Variants in HPSE2 observed in about 807,000 individuals in gnomAD.
HPSE2 encodes inactive heparanase-2.
A neutral mutation model predicts 60.5 loss-of-function variants in HPSE2; 38 were observed. The observed-to-expected ratio is 0.63, with a 90% confidence interval of 0.48 to 0.82. HPSE2 has a LOEUF of 0.82. Ranked by LOEUF, HPSE2 falls within the 40% of genes least tolerant of loss-of-function variation. HPSE2 has a pLI of 0.00. For missense variants in HPSE2, 713 were observed against 740.4 expected (o/e 0.96, Z 0.43); for synonymous variants, 295 against 293.2 (o/e 1.01, Z -0.06).
chr10:98,550,559 C>T (rs1943832108), intron 9 of HPSE2, among the ~76,000 whole-genome samples: 1 of 151,746 alleles, frequency 6.6e-6, no homozygotes, highest in South Asian at 2.1e-4. Context: ...AGCTCCACCT[C>T]CCAGGTTCAT....
chr10:99,076,042 C>T (rs1842941515), intron 3 of HPSE2, among the ~76,000 whole-genome samples: 1 of 152,018 alleles, frequency 6.6e-6, no homozygotes, highest in South Asian at 2.1e-4. Context: ...TAGGAAAGGA[C>T]CATTTTTTTC....
chr10:98,943,185 A>T (rs1564677556), intron 3 of HPSE2, among the ~76,000 whole-genome samples: 1 of 151,884 alleles, frequency 6.6e-6, no homozygotes, highest in Non-Finnish European at 1.5e-5. Context: ...TACATATGTA[A>T]CTAACGTGCA....
intron 6 of HPSE2, among the ~76,000 whole-genome samples, chr10:98,661,807 C>A (rs1280056901): frequency 1.3e-5 from 2 of 152,172 alleles, no homozygotes; most frequent in African/African-American, 4.8e-5. Context: ...CAAGAGAACT[C>A]AATTTAAGTC....
chr10:99,030,042 A>G (rs1759869435), intron 3 of HPSE2, among the ~76,000 whole-genome samples: 1 of 151,924 alleles, frequency 6.6e-6, no homozygotes, highest in African/African-American at 2.4e-5. Context: ...GAAGGCTCGC[A>G]CTCTTGTCTT....
intron 2 of HPSE2, among the ~76,000 whole-genome samples, chr10:99,184,819 TAGAGAGAGAGAGAG>T (rs1177556672): frequency 0.013 from 254 of 19,852 alleles, 41 homozygotes; most frequent in Middle Eastern, 0.042. Context: ...TATATATATA[TAGAGAGAGAGAGAG>T]AGAGAGAGAG....
chr10:99,245,583 A>C, the HPSE2 span, among the ~76,000 whole-genome samples: 1 of 152,252 alleles, frequency 6.6e-6, no homozygotes, highest in African/African-American at 2.4e-5. Context: ...CATTCAATAA[A>C]TATTTTCACT....
the HPSE2 span, among the ~76,000 whole-genome samples, chr10:99,256,921 G>A: frequency 6.6e-6 from 1 of 152,194 alleles, no homozygotes; most frequent in Non-Finnish European, 1.5e-5. Context: ...CAAGGGATTG[G>A]CTGAAGCCAT....
intron 3 of HPSE2, among the ~76,000 whole-genome samples, chr10:98,797,844 A>AAAAAAAC (rs1360189342): frequency 1.6e-4 from 24 of 151,056 alleles, no homozygotes; most frequent in African/African-American, 5.8e-4. Context: ...ACTCCGCCTC[A>AAAAAAAC]AAAAAACAAA....
chr10:99,099,364 G>A (rs1843851123), intron 3 of HPSE2, among the ~76,000 whole-genome samples: 1 of 152,238 alleles, frequency 6.6e-6, no homozygotes, highest in South Asian at 2.1e-4. Flanking sequence ...ATGGCTCACA[G>A]GGACCCATGC....
At chr10:98,831,501 C>G (rs1951683316) in intron 3 of HPSE2, among the ~76,000 whole-genome samples, 1 of 152,142 alleles carries the variant, frequency 6.6e-6, no homozygotes, top group South Asian at 2.1e-4. Context: ...CTTATACATC[C>G]AAGCTAATAA....
In HPSE2 at chr10:98,457,762, G is replaced by A. The variant is rs1023322769; in HGVS notation, c.*1812C>T. Reference sequence around the variant, plus strand: ...GCCCTCTCAGAGCTGAAGCCTCAGTGGGAGGTGCCTGGTCCCAGAGAAACG... The same window carrying A: ...GCCCTCTCAGAGCTGAAGCCTCAGTAGGAGGTGCCTGGTCCCAGAGAAACG... On this transcript the variant is annotated 3_prime_UTR_variant, in exon 12 of 12. Coordinates refer to ENST00000370552, the MANE Select transcript of HPSE2 (RefSeq NM_021828.5). 1 of 150,682 alleles carries A rather than the reference G, an allele frequency of 6.6e-6. No individual in the cohort carries two copies. The highest frequency in any genetic ancestry group is 2.0e-4 in the East Asian group (1 of 4,968). The allele number at this position is 150,682 out of a possible 1,614,324, so 9.3% of individuals were successfully genotyped here. A position where few individuals can be genotyped will look rare whatever the true frequency, so the allele number is the denominator to read the frequency against.
At chr10:98,459,855 A>G (rs1379235780) in intron 11 of HPSE2, 116 bp from the exon 12 acceptor site, 2 of 971,580 alleles carry the variant, frequency 2.1e-6, no homozygotes, top group Non-Finnish European at 1.6e-6. Flanking sequence ...GCTGACACTT[A>G]TTGTTACTGG....
At chr10:98,939,310 C>T (rs1954913657) in intron 3 of HPSE2, among the ~76,000 whole-genome samples, 1 of 143,338 alleles carries the variant, frequency 7.0e-6, no homozygotes, top group Admixed American at 6.9e-5. Context: ...GAGTCAAGAC[C>T]CATCAGTGTG....
At chr10:99,219,131 C>T (rs980801371) in intron 2 of HPSE2, among the ~76,000 whole-genome samples, 2 of 152,200 alleles carry the variant, frequency 1.3e-5, no homozygotes. Flanking sequence ...ACTCCTCCTC[C>T]CTCTCACTGG....
At chr10:98,713,008 C>T (rs556537305) in intron 5 of HPSE2, among the ~76,000 whole-genome samples, 1 of 152,068 alleles carries the variant, frequency 6.6e-6, no homozygotes, top group Non-Finnish European at 1.5e-5. Flanking sequence ...CTATCTATAG[C>T]CTGTTAGTTT....
At chr10:99,122,334 T>C (rs1033451909) in intron 3 of HPSE2, among the ~76,000 whole-genome samples, 1 of 152,044 alleles carries the variant, frequency 6.6e-6, no homozygotes, top group African/African-American at 2.4e-5. Context: ...TTTTTCAATC[T>C]TCTTTTGGGG....
chr10:99,086,288 G>T lies in HPSE2; in HGVS notation c.610+57950C>A, dbSNP rs544956019. ...AAGTGAATTGAAGACTTGAAGAAAA[G>T]GAATTATTATTAACCAGCATTAAAC... On this transcript the variant is annotated intron_variant, in intron 3 of 11. Coordinates refer to ENST00000370552, the MANE Select transcript of HPSE2 (RefSeq NM_021828.5). 1.2e-4 allele frequency among the ~76,000 whole-genome samples: 18 copies of T among 150,820 alleles called. No individual in the cohort carries two copies. The East Asian group carries it at 2.0e-3, about 16-fold the overall frequency.
At chr10:98,999,587 A>T (rs1400937578) in intron 3 of HPSE2, among the ~76,000 whole-genome samples, 1 of 152,072 alleles carries the variant, frequency 6.6e-6, no homozygotes, top group African/African-American at 2.4e-5. Flanking sequence ...AAGTAATCTC[A>T]TTGGAAGTGA....
intron 3 of HPSE2, among the ~76,000 whole-genome samples, chr10:98,801,650 T>A (rs1028216062): frequency 6.6e-6 from 1 of 151,810 alleles, no homozygotes; most frequent in African/African-American, 2.4e-5. Context: ...GTGAAATATC[T>A]CTACAATAAA....
Sources: gnomAD v4.1 joint callset for allele counts (sites outside exome capture counted in the v4.1 genomes callset) on GRCh38, gnomAD v4.1.1 for gene constraint, MANE v1.5 for transcripts, NCBI Gene and HGNC (gene_info 2026-07-23, HGNC 2026-07-21) for gene names.